SIK3: variants seen among roughly 807,000 people sequenced by gnomAD.
The protein encoded by SIK3 is serine/threonine-protein kinase SIK3.
Under a neutral mutation model 144.2 loss-of-function variants are expected in SIK3, and 28 were observed. The ratio of observed to expected loss-of-function variants is 0.19; its 90% CI spans 0.14 to 0.27. The LOEUF is 0.27. SIK3 is among the 10% of genes least tolerant of loss of function. The pLI, the probability that SIK3 is intolerant of heterozygous loss-of-function variation, is 1.00. For synonymous variants in SIK3, 686 were observed against 676.3 expected, an observed-to-expected ratio of 1.01 and a Z score of -0.22; for missense variants, 1,319 against 1,776.0, an observed-to-expected ratio of 0.74 and a Z score of 4.62.
At chr11:117,033,838 A>C (rs1262343052) in intron 1 of SIK3, among the ~76,000 whole-genome samples, 1 of 152,200 alleles carries the variant, frequency 6.6e-6, no homozygotes, top group African/African-American at 2.4e-5. Flanking sequence ...AAGGCAAATT[A>C]TTAATTAGTA....
At chr11:117,093,265 A>C (rs1158020228) in intron 1 of SIK3, among the ~76,000 whole-genome samples, 1 of 152,212 alleles carries the variant, frequency 6.6e-6, no homozygotes, top group Non-Finnish European at 1.5e-5. Context: ...ACTCTTCTTT[A>C]GAGGTGAAAA....
Position 116,858,513 on chromosome 11 carries a change from A to C in SIK3, c.2952T>G (p.His984Gln). 6.2e-7 allele frequency: 1 copy of C among 1,612,042 alleles called. No individual in the cohort carries two copies. The highest frequency in any genetic ancestry group is 8.5e-7 in the Non-Finnish European group (1 of 1,179,084). The part of the protein sequence containing the change: ...DQFPTFPPSA[H>Q]QQPPHYTTSA... ...ACGTGGTATAGTGTGGCGGCTGCTG[A>C]TGTGCACTGGGAGGGAAGGTGGGGA... The change falls in exon 21 of 25, where the codon CAT becomes CAG. Residue 984 changes from histidine to glutamine, a missense_variant. Physicochemically the swap from His to Gln is conservative, Grantham distance 24 (BLOSUM62 0). Transcript: ENST00000445177. This position sits in a 1 kb window ranked among gnomAD's most constrained non-coding sequence, Gnocchi z 5.4.
chr11:116,961,536 A>G (rs1051288183), intron 1 of SIK3, among the ~76,000 whole-genome samples: 2 of 152,248 alleles, frequency 1.3e-5, no homozygotes, highest in African/African-American at 4.8e-5. Context: ...GTCCACAACA[A>G]AGGTAAATCA....
intron 1 of SIK3, among the ~76,000 whole-genome samples, chr11:116,965,792 A>T (rs1378054866): frequency 1.9e-5 from 2 of 105,338 alleles, no homozygotes; most frequent in Admixed American, 2.1e-4. Flanking sequence ...TAAATTAGCC[A>T]AACATGGTGG....
intron 1 of SIK3, among the ~76,000 whole-genome samples, chr11:117,016,492 T>C (rs936340047): frequency 1.3e-5 from 2 of 151,396 alleles, no homozygotes; most frequent in African/African-American, 4.9e-5. Flanking sequence ...CACAAATATG[T>C]GCTGAGATGT....
intron 1 of SIK3, among the ~76,000 whole-genome samples, chr11:117,026,099 C>T (rs1039981188): frequency 2.6e-5 from 4 of 152,170 alleles, no homozygotes; most frequent in Admixed American, 1.3e-4. Flanking sequence ...GATATACAGT[C>T]GTGCACCATA....
chr11:117,011,889 G>A (rs192412727), intron 1 of SIK3, among the ~76,000 whole-genome samples: 13 of 152,250 alleles, frequency 8.5e-5, no homozygotes, highest in East Asian at 3.9e-4. Context: ...ACGCAATAGA[G>A]AGAAAGAGAC....
intron 1 of SIK3, among the ~76,000 whole-genome samples, chr11:117,033,212 T>A (rs542013431): frequency 6.6e-6 from 1 of 152,336 alleles, no homozygotes; most frequent in East Asian, 1.9e-4. Flanking sequence ...TATGCTGCAC[T>A]CCATCAAGTG....
intron 1 of SIK3, among the ~76,000 whole-genome samples, chr11:117,095,192 TAAA>T (rs3057848): frequency 0.14 from 17,237 of 122,090 alleles, 2,133 homozygotes; most frequent in African/African-American, 0.34. Context: ...CATGTGTGTT[TAAA>T]AAAAAAAAAA....
chr11:116,848,313 C>T (rs1311365566), intron 22 of SIK3, among the ~76,000 whole-genome samples: 1 of 152,092 alleles, frequency 6.6e-6, no homozygotes, highest in African/African-American at 2.4e-5. Context: ...CGCCACTGCA[C>T]TCCAACCTGG....
chr11:116,863,633 G>A, intron 16 of SIK3, 35 bp downstream of exon 16: 1 of 1,613,040 alleles, frequency 6.2e-7, no homozygotes. Context: ...TGTCACCCAT[G>A]CTCCTCCAGG....
At chr11:116,898,015 G>A (rs1257228231) in intron 4 of SIK3, among the ~76,000 whole-genome samples, 1 of 151,974 alleles carries the variant, frequency 6.6e-6, no homozygotes, top group Non-Finnish European at 1.5e-5. Context: ...GGGTACATGT[G>A]CACAATGTGC....
At chr11:117,051,552 C>T (rs1429016267) in intron 1 of SIK3, among the ~76,000 whole-genome samples, 7 of 151,158 alleles carry the variant, frequency 4.6e-5, no homozygotes, top group African/African-American at 9.7e-5. Flanking sequence ...TTTTTGAGAC[C>T]GAGTCTCCCT....
intron 1 of SIK3, among the ~76,000 whole-genome samples, chr11:116,991,319 C>T (rs757656252): frequency 2.6e-5 from 4 of 152,114 alleles, no homozygotes; most frequent in Non-Finnish European, 4.4e-5. Flanking sequence ...TGGTGGCACA[C>T]GCCCGTAATC....
chr11:116,926,125 T>C (rs1488400086), intron 4 of SIK3, among the ~76,000 whole-genome samples: 3 of 152,224 alleles, frequency 2.0e-5, no homozygotes, highest in African/African-American at 7.2e-5. Flanking sequence ...AAGAAAATCC[T>C]TAGAACTGCT....
Position 117,098,398 on chromosome 11 carries a change from C to G in SIK3, c.18G>C (p.Ala6=), listed in dbSNP as rs1261980544. 8.7e-7 allele frequency: 1 copy of G among 1,153,666 alleles called. No homozygotes were observed. Among genetic ancestry groups the G allele is most frequent in the Non-Finnish European group, 1.1e-6 (1 of 938,180 alleles). 71.5% of individuals were successfully genotyped at this position (1,153,666 alleles called of 1,614,324 possible). Reference sequence around the variant, plus strand: ...CCCCGGCAGCCCCGCCAGCTCCGCTCGCCGCCGCCGCCGCCATCTTGTTGT... The same window carrying G: ...CCCCGGCAGCCCCGCCAGCTCCGCTGGCCGCCGCCGCCGCCATCTTGTTGT... MAAAA[A]SGAGGAAGAG... Residue 6 remains alanine (A), a synonymous_variant, in exon 1 of 25, where the codon GCG becomes GCC. Transcript: ENST00000445177.
chr11:116,898,021 T>C (rs1209737661), intron 4 of SIK3, among the ~76,000 whole-genome samples: 2 of 152,096 alleles, frequency 1.3e-5, no homozygotes, highest in Non-Finnish European at 2.9e-5. Flanking sequence ...ATGTGCACAA[T>C]GTGCAGGTTA....
rs768846710 is a variant in SIK3 at position 116,876,386 on chromosome 11, C to A, written c.985-23G>T. The A allele has an allele frequency of 2.6e-6, 4 of 1,566,454 alleles. No individual in the cohort carries two copies. In the African/African-American group the frequency reaches 5.4e-5, roughly 21 times the overall value. ...TAACTGTAACATAAAAAGGAGGAAG[C>A]TGTCAACCCCCCAATTAACCACATC... On this transcript the variant is annotated intron_variant, in intron 7 of 24. Coordinates refer to ENST00000445177, the MANE Select transcript of SIK3 (RefSeq NM_001366686.3).
chr11:116,932,321 G>A (rs1371962415), intron 3 of SIK3, among the ~76,000 whole-genome samples: 3 of 152,192 alleles, frequency 2.0e-5, no homozygotes, highest in Non-Finnish European at 4.4e-5. Context: ...CAAAGACAGT[G>A]CAGAGAGGTC....
Sources: gnomAD v4.1 joint callset for allele counts (sites outside exome capture counted in the v4.1 genomes callset) on GRCh38, gnomAD v4.1.1 for gene constraint, Gnocchi (gnomAD v3.1) non-coding constraint, MANE v1.5 for transcripts, NCBI Gene and HGNC (gene_info 2026-07-23, HGNC 2026-07-21) for gene names.